Variants in OR6N2 observed in about 807,000 individuals in gnomAD.
OR6N2 encodes olfactory receptor 6N2.
For missense variants in OR6N2, 399 were observed against 379.7 expected (o/e 1.05, Z -0.42); for synonymous variants, 160 against 138.3 (o/e 1.16, Z -1.10).
At chr1:158,779,982 C>T (rs1657708974) in intron 1 of OR6N2, among the ~76,000 whole-genome samples, 1 of 152,154 alleles carries the variant, frequency 6.6e-6, no homozygotes, top group Non-Finnish European at 1.5e-5. Context: ...GAACAGTAGG[C>T]ATAGAATTGT....
intron 1 of OR6N2, among the ~76,000 whole-genome samples, chr1:158,778,293 A>G (rs1482191932): frequency 6.6e-6 from 1 of 152,218 alleles, no homozygotes; most frequent in East Asian, 1.9e-4. Context: ...AAAGTACAGA[A>G]CACTTCAGTG....
At chr1:158,778,181 A>C (rs1193416490) in intron 1 of OR6N2, among the ~76,000 whole-genome samples, 1 of 152,220 alleles carries the variant, frequency 6.6e-6, no homozygotes, top group Non-Finnish European at 1.5e-5. Context: ...TATTGAACAA[A>C]TATGTGTCAG....
rs1657546496 is a variant in OR6N2, at chr1:158,774,882, A to T, written c.*1800T>A. 6.6e-6 allele frequency: 1 copy of T among 152,230 alleles called. No individual in the cohort carries two copies. Among genetic ancestry groups the T allele is most frequent in the South Asian group, 2.1e-4 (1 of 4,832 alleles). 9.4% of individuals were successfully genotyped at this position (152,230 alleles called of 1,614,324 possible). On this transcript the variant is annotated 3_prime_UTR_variant, in exon 2 of 2. Coordinates refer to ENST00000641131, the MANE Select transcript of OR6N2 (RefSeq NM_001005278.2). ...AATAGGGAAGACCGATGCATTCTATAGAACAGTGGGTTTCAGTAATGATTA... is the reference window on the plus strand; with the variant it reads ...AATAGGGAAGACCGATGCATTCTATTGAACAGTGGGTTTCAGTAATGATTA...
chr1:158,780,008 TTTA>T (rs1657709586), intron 1 of OR6N2, among the ~76,000 whole-genome samples: 1 of 152,204 alleles, frequency 6.6e-6, no homozygotes, highest in Non-Finnish European at 1.5e-5. Context: ...CAATTAATGT[TTTA>T]TTTTAGCCTA....
chr1:158,777,294 A>G lies in OR6N2; in HGVS notation c.342T>C (p.Leu114=), dbSNP rs778686162. The G allele has an allele frequency of 6.2e-7, 1 of 1,614,156 alleles. No homozygotes were observed. Among genetic ancestry groups the G allele is most frequent in the South Asian group, 1.1e-5 (1 of 91,084 alleles). The change falls in exon 2 of 2, where the codon CTT becomes CTC. Residue 114 remains leucine (L), a synonymous_variant. Transcript: ENST00000641131. ...ATCTATCATAGGCCATGGCTGTAAG[A>G]AGGTAGCATTCAGACGCTCCCAAGG... ...FHSLGASECY[L]LTAMAYDRYL...
chr1:158,776,868 G>A lies in OR6N2; in HGVS notation c.768C>T (p.Ile256=). ...TCTTCTTTAGCCGCACATACATGAA[G>A]ATGATGCTCCCAAAGAAGATGAGGA... is the stretch of plus-strand genomic sequence containing the variant. ...AVVLIFFGSI[I]FMYVRLKKSY... Residue 256 remains isoleucine (I), a synonymous_variant, in exon 2 of 2, where the codon ATC becomes ATT. Coordinates refer to ENST00000641131, the MANE Select transcript of OR6N2 (RefSeq NM_001005278.2). 6.2e-7 allele frequency: 1 copy of A among 1,614,178 alleles called. No homozygotes were observed. The highest frequency in any genetic ancestry group is 2.2e-5 in the East Asian group (1 of 44,880).
rs1657572004 is a variant in OR6N2, at chr1:158,775,599, A to G, written c.*1083T>C. 1 of 152,230 alleles carries G rather than the reference A, an allele frequency of 6.6e-6. No homozygotes were observed. The highest frequency in any genetic ancestry group is 2.4e-5 in the African/African-American group (1 of 41,472). 9.4% of individuals were successfully genotyped at this position (152,230 alleles called of 1,614,324 possible). ...TTACTTTATATTTTATGTGGAAAATATATTAGAATAGAATGAGAGTAGGAG... is the reference window on the plus strand; with the variant it reads ...TTACTTTATATTTTATGTGGAAAATGTATTAGAATAGAATGAGAGTAGGAG... On this transcript the variant is annotated 3_prime_UTR_variant, in exon 2 of 2. Coordinates refer to ENST00000641131, the MANE Select transcript of OR6N2 (RefSeq NM_001005278.2).
intron 1 of OR6N2, among the ~76,000 whole-genome samples, chr1:158,780,052 G>A (rs996859216): frequency 6.6e-6 from 1 of 152,070 alleles, no homozygotes; most frequent in Non-Finnish European, 1.5e-5. Flanking sequence ...TTTTGCACCT[G>A]AACACATCCC....
At position 158,776,746 on chromosome 1, in the gene OR6N2, AT is replaced by A; in HGVS notation, c.889del (p.Ile297SerfsTer36). On this transcript the variant is annotated frameshift_variant, in exon 2 of 2. Transcript: ENST00000641131. LOFTEE classifies it low-confidence loss of function (END_TRUNC). ...PIIYSLRNKE[I>X]IKAIKRTIFQ... ...GATGGTCCTCTTGATAGCTTTAATG[AT>A]TTCCTTGTTACGAAGACTGTAGATA... is the stretch of plus-strand genomic sequence containing the variant. The A allele has an allele frequency of 6.2e-7, 1 of 1,613,866 alleles. No homozygotes were observed. Among genetic ancestry groups the A allele is most frequent in the Non-Finnish European group, 8.5e-7 (1 of 1,179,872 alleles).
chr1:158,776,452 CT>C lies in OR6N2; in HGVS notation c.*229del, dbSNP rs35634987. 23 of 374,304 alleles carry C rather than the reference CT, an allele frequency of 6.1e-5. No individual in the cohort carries two copies. Among genetic ancestry groups the C allele is most frequent in the East Asian group, 1.7e-4 (4 of 23,736 alleles). The allele number at this position is 374,304 out of a possible 1,614,324, so 23.2% of individuals were successfully genotyped here. ...TGTGTGGACCTAGGAAATATACATGCTTTTTTTTAAAAAAAGAAGTATGTAG... is the reference window on the plus strand; with the variant it reads ...TGTGTGGACCTAGGAAATATACATGCTTTTTTTAAAAAAAGAAGTATGTAG... On this transcript the variant is annotated 3_prime_UTR_variant, in exon 2 of 2. Coordinates refer to ENST00000641131, the MANE Select transcript of OR6N2 (RefSeq NM_001005278.2).
chr1:158,776,514 C>G lies in OR6N2; in HGVS notation c.*168G>C, dbSNP rs889892537. 2.5e-5 allele frequency: 12 copies of G among 481,640 alleles called. No homozygotes were observed. Among genetic ancestry groups the G allele is most frequent in the African/African-American group, 1.8e-4 (9 of 49,704 alleles). The allele number at this position is 481,640 out of a possible 1,614,324, so 29.8% of individuals were successfully genotyped here. A position where few individuals can be genotyped will look rare whatever the true frequency, so the allele number is the denominator to read the frequency against. ...ATTCTTAAATGCTGACATAAGTGAT[C>G]GAGTAAAAAATAGAAATAAAGATGT... is the stretch of plus-strand genomic sequence containing the variant. On this transcript the variant is annotated 3_prime_UTR_variant, in exon 2 of 2. Coordinates refer to ENST00000641131, the MANE Select transcript of OR6N2 (RefSeq NM_001005278.2).
Position 158,777,291 on chromosome 1 carries a change from A to G in OR6N2, c.345T>C (p.Leu115=). The part of the protein sequence containing the change: ...HSLGASECYL[L]TAMAYDRYLA... ...GGTATCTATCATAGGCCATGGCTGT[A>G]AGAAGGTAGCATTCAGACGCTCCCA... Residue 115 remains leucine, a synonymous_variant, in exon 2 of 2, where the codon CTT becomes CTC. Coordinates refer to ENST00000641131, the MANE Select transcript of OR6N2 (RefSeq NM_001005278.2). 6.2e-7 allele frequency: 1 copy of G among 1,614,146 alleles called. No homozygotes were observed. The highest frequency in any genetic ancestry group is 8.5e-7 in the Non-Finnish European group (1 of 1,179,988).
rs186696492 is a variant in OR6N2 at position 158,779,890 on chromosome 1, T to C, written c.-7+1280A>G. 5.2e-3 allele frequency among the ~76,000 whole-genome samples: 788 copies of C among 152,352 alleles called. 3 individuals carry two copies. The highest frequency in any genetic ancestry group is 6.3e-3 in the Non-Finnish European group (431 of 68,020). ...CATATTGTTACCTTTTTAACAAGTC[T>C]GTCTTCCCCAAAAATTGTTAAGATC... On this transcript the variant is annotated intron_variant, in intron 1 of 1. Coordinates refer to ENST00000641131, the MANE Select transcript of OR6N2 (RefSeq NM_001005278.2).
chr1:158,780,279 G>A (rs1657720471), intron 1 of OR6N2, among the ~76,000 whole-genome samples: 1 of 152,164 alleles, frequency 6.6e-6, no homozygotes, highest in African/African-American at 2.4e-5. Flanking sequence ...TAGCTTTTCT[G>A]AAGCCAACTG....
chr1:158,779,588 C>T (rs1233707470), intron 1 of OR6N2, among the ~76,000 whole-genome samples: 1 of 152,290 alleles, frequency 6.6e-6, no homozygotes, highest in Non-Finnish European at 1.5e-5. Context: ...TCATTGAAAG[C>T]AACTGATACT....
At position 158,777,562 on chromosome 1, in the gene OR6N2, C is replaced by T; in HGVS notation, c.74G>A (p.Gly25Asp). The T allele has an allele frequency of 6.2e-7, 1 of 1,614,056 alleles. No homozygotes were observed. Among genetic ancestry groups the T allele is most frequent in the Non-Finnish European group, 8.5e-7 (1 of 1,180,010 alleles). ...LGFASVGYVRGWLFVLLLLAY... is the reference protein window; with the variant it reads ...LGFASVGYVRDWLFVLLLLAY... The stretch of plus-strand genomic sequence containing the variant: ...CAATAGCAGCAGGACAAAAAGCCAG[C>T]CCCTGACATAGCCCACACTGGCAAA... Residue 25 changes from glycine to aspartate, a missense_variant, in exon 2 of 2, where the codon GGC (glycine) becomes GAC (aspartate). Gly to Asp is a moderately conservative substitution (Grantham distance 94). Transcript: ENST00000641131.
intron 1 of OR6N2, among the ~76,000 whole-genome samples, chr1:158,778,796 C>T (rs966432256): frequency 3.3e-5 from 5 of 151,504 alleles, no homozygotes; most frequent in Admixed American, 1.3e-4. Context: ...GGGTAGATCA[C>T]GAGGTCGGGA....
chr1:158,779,018 C>CAAAAAA (rs10680954), intron 1 of OR6N2, among the ~76,000 whole-genome samples: 1 of 86,386 alleles, frequency 1.2e-5, no homozygotes, highest in African/African-American at 5.5e-5. Flanking sequence ...GACTGCGTCT[C>CAAAAAA]AAAAAAAAAA....
intron 1 of OR6N2, among the ~76,000 whole-genome samples, chr1:158,779,018 CAAA>C (rs10680954): frequency 1.2e-5 from 1 of 86,394 alleles, no homozygotes; most frequent in Admixed American, 1.3e-4. Flanking sequence ...GACTGCGTCT[CAAA>C]AAAAAAAAAA....
Sources: allele counts gnomAD v4.1 joint callset (sites outside exome capture counted in the v4.1 genomes callset), GRCh38; gene constraint gnomAD v4.1.1; transcripts MANE v1.5; gene names NCBI Gene and HGNC (gene_info 2026-07-23, HGNC 2026-07-21).